XIRP2: variants seen among roughly 807,000 people sequenced by gnomAD.
The protein encoded by XIRP2 is xin actin-binding repeat-containing protein 2.
In XIRP2, 236 loss-of-function variants were observed where a neutral mutation model predicts 277.0. That is an observed-to-expected ratio of 0.85 (90% CI 0.77 to 0.95). XIRP2 has a LOEUF of 0.95. Ranked by LOEUF, XIRP2 falls within the 40% of genes least tolerant of loss-of-function variation. The pLI, the probability that XIRP2 is intolerant of heterozygous loss-of-function variation, is 0.00. For synonymous variants in XIRP2, 1,490 were observed against 1,416.5 expected, an observed-to-expected ratio of 1.05 and a Z score of -1.17; for missense variants, 4,640 against 4,157.5, an observed-to-expected ratio of 1.12 and a Z score of -3.19.
chr2:166,903,472 T>G lies in XIRP2; in HGVS notation c.-11T>G, dbSNP rs770218888. 10 of 1,607,890 alleles carry G rather than the reference T, an allele frequency of 6.2e-6. No homozygotes were observed. Among genetic ancestry groups the G allele is most frequent in the Non-Finnish European group, 7.7e-6 (9 of 1,176,450 alleles). On this transcript the variant is annotated 5_prime_UTR_variant, in exon 2 of 11. Coordinates refer to ENST00000409195, the MANE Select transcript of XIRP2 (RefSeq NM_152381.6). ...GGATTCTTGATATTGCAGGACAACC[T>G]GGACCCATCCATGTTCCCAATGCAG...
chr2:167,057,246 G>T (rs1689061092), intron 2 of XIRP2, among the ~76,000 whole-genome samples: 1 of 152,064 alleles, frequency 6.6e-6, no homozygotes, highest in Non-Finnish European at 1.5e-5. Context: ...ATTTTTCTCA[G>T]CAACACTCTG....
At chr2:167,038,473 A>C (rs1688575011) in intron 2 of XIRP2, among the ~76,000 whole-genome samples, 1 of 151,808 alleles carries the variant, frequency 6.6e-6, no homozygotes, top group Non-Finnish European at 1.5e-5. Context: ...GTATGGAATC[A>C]AACATTATCC....
intron 3 of XIRP2, among the ~76,000 whole-genome samples, chr2:167,208,559 C>G (rs559214047): frequency 1.1e-4 from 16 of 152,170 alleles, no homozygotes; most frequent in Non-Finnish European, 1.6e-4. Context: ...CTGCCCGTCT[C>G]GGCCTCCCAG....
At position 167,249,439 on chromosome 2, in the gene XIRP2, A is replaced by G; in HGVS notation, c.8047A>G (p.Ser2683Gly). 1.9e-6 allele frequency: 3 copies of G among 1,613,888 alleles called. No homozygotes were observed. Among genetic ancestry groups the G allele is most frequent in the Non-Finnish European group, 2.5e-6 (3 of 1,179,862 alleles). ...CEIKQSHQEC[S>G]TQQTQQKKYL... The stretch of plus-strand genomic sequence containing the variant: ...AATTAAACAAAGTCACCAAGAATGT[A>G]GTACCCAACAAACACAACAGAAGAA... Residue 2683 changes from serine to glycine, a missense_variant, in exon 9 of 11, where the codon AGT (serine) becomes GGT (glycine). Transcript: ENST00000409195.
At chr2:167,137,823 T>C (rs1226765723) in intron 3 of XIRP2, among the ~76,000 whole-genome samples, 1 of 152,192 alleles carries the variant, frequency 6.6e-6, no homozygotes, top group Non-Finnish European at 1.5e-5. Context: ...ATCTGTATAT[T>C]GCACAAGAAC....
At chr2:166,912,278 C>A (rs917475700) in intron 2 of XIRP2, among the ~76,000 whole-genome samples, 4 of 152,170 alleles carry the variant, frequency 2.6e-5, no homozygotes, top group Non-Finnish European at 5.9e-5. Flanking sequence ...TTCACATAGT[C>A]CCATATTTCT....
intron 2 of XIRP2, among the ~76,000 whole-genome samples, chr2:167,052,741 C>T (rs1290578126): frequency 6.6e-6 from 1 of 151,908 alleles, no homozygotes; most frequent in East Asian, 1.9e-4. Context: ...TAAAAATAAT[C>T]GATAGTGGAA....
In XIRP2 at chr2:167,248,503, A is replaced by G; in HGVS notation, c.7111A>G (p.Thr2371Ala). 6.2e-7 allele frequency: 1 copy of G among 1,613,094 alleles called. No homozygotes were observed. The highest frequency in any genetic ancestry group is 1.1e-5 in the South Asian group (1 of 91,030). Residue 2371 changes from threonine to alanine, a missense_variant, in exon 9 of 11, where the codon ACT becomes GCT. Coordinates refer to ENST00000409195, the MANE Select transcript of XIRP2 (RefSeq NM_152381.6). ...SMFLPPPPPP[T>A]PSQKPAHLLS... ...GTTTCTGCCGCCTCCTCCTCCTCCAACTCCATCTCAAAAGCCAGCACATCT... is the reference window on the plus strand; with the variant it reads ...GTTTCTGCCGCCTCCTCCTCCTCCAGCTCCATCTCAAAAGCCAGCACATCT...
chr2:166,978,055 T>C (rs1686762352), intron 2 of XIRP2, among the ~76,000 whole-genome samples: 1 of 152,326 alleles, frequency 6.6e-6, no homozygotes, highest in African/African-American at 2.4e-5. Flanking sequence ...ATTGTGTTTA[T>C]GTGTTCATGA....
chr2:167,224,874 G>C (rs1392876893), intron 5 of XIRP2, among the ~76,000 whole-genome samples: 1 of 152,092 alleles, frequency 6.6e-6, no homozygotes, highest in African/African-American at 2.4e-5. Context: ...TTTAGCCCTG[G>C]GAGATAATAG....
chr2:167,090,247 A>G (rs1690101291), intron 2 of XIRP2, among the ~76,000 whole-genome samples: 1 of 152,134 alleles, frequency 6.6e-6, no homozygotes. Flanking sequence ...CTTTCAGACA[A>G]TGCAAAGATT....
intron 2 of XIRP2, among the ~76,000 whole-genome samples, chr2:167,113,076 C>A (rs1051584268): frequency 3.3e-5 from 5 of 151,724 alleles, no homozygotes; most frequent in Non-Finnish European, 7.4e-5. Flanking sequence ...GGAGTATGTG[C>A]CATGTGGTGA....
intron 2 of XIRP2, among the ~76,000 whole-genome samples, chr2:166,974,317 AC>A (rs372119035): frequency 1.3e-5 from 2 of 152,172 alleles, no homozygotes; most frequent in African/African-American, 2.4e-5. Context: ...CCGAGTAGAA[AC>A]AATGCTCTAG....
chr2:167,051,779 A>G (rs2105536062), intron 2 of XIRP2, among the ~76,000 whole-genome samples: 1 of 152,234 alleles, frequency 6.6e-6, no homozygotes, highest in South Asian at 2.1e-4. Flanking sequence ...TTTGTCAAGC[A>G]CATTTGAAGA....
rs775165863 is a variant in XIRP2, at chr2:167,201,089, G to A, written c.563-9646G>A. Among the ~76,000 whole-genome samples, 11 of 150,652 alleles carry A rather than the reference G, an allele frequency of 7.3e-5. No homozygotes were observed. In the Admixed American group the frequency reaches 7.3e-4, roughly 10 times the overall value. ...TGCAGTGAGCCGAGATCATGCCACC[G>A]CACTCCAACCTAGACAACAGAGTGA... On this transcript the variant is annotated intron_variant, in intron 3 of 10. Transcript: ENST00000409195.
chr2:167,109,701 T>C (rs779686198), intron 2 of XIRP2, among the ~76,000 whole-genome samples: 9 of 152,178 alleles, frequency 5.9e-5, no homozygotes, highest in African/African-American at 1.4e-4. Flanking sequence ...GGTAGAACAA[T>C]TTCTATTCCT....
rs1243709423 is a variant in XIRP2, at chr2:167,052,924, TG to T, written c.409-82984del. 4.6e-5 allele frequency among the ~76,000 whole-genome samples: 7 copies of T among 152,212 alleles called. No individual in the cohort carries two copies. The East Asian group carries it at 1.3e-3, about 29-fold the overall frequency. On this transcript the variant is annotated intron_variant, in intron 2 of 10. Coordinates refer to ENST00000409195, the MANE Select transcript of XIRP2 (RefSeq NM_152381.6). ...TCAAGCTTATTGAGTTATATGTAGTTGTAGACATCCAAAAATAAAACCACAC... is the reference window on the plus strand; with the variant it reads ...TCAAGCTTATTGAGTTATATGTAGTTTAGACATCCAAAAATAAAACCACAC...
At chr2:167,106,922 T>C (rs2105291321) in intron 2 of XIRP2, among the ~76,000 whole-genome samples, 1 of 151,322 alleles carries the variant, frequency 6.6e-6, no homozygotes, top group East Asian at 1.9e-4. Flanking sequence ...TTTAAAATAA[T>C]AATAATAAAT....
At chr2:167,021,798 C>T (rs554254370) in intron 2 of XIRP2, among the ~76,000 whole-genome samples, 1 of 152,008 alleles carries the variant, frequency 6.6e-6, no homozygotes, top group Admixed American at 6.6e-5. Flanking sequence ...GTACTCCAGC[C>T]TGGGTGACAG....
Sources: gnomAD v4.1 joint callset for allele counts (sites outside exome capture counted in the v4.1 genomes callset) on GRCh38, gnomAD v4.1.1 for gene constraint, MANE v1.5 for transcripts, NCBI Gene and HGNC (gene_info 2026-07-23, HGNC 2026-07-21) for gene names.